The following LARGE1 variants were observed in gnomAD, a reference collection of about 807,000 sequenced individuals.
The protein encoded by LARGE1 is xylosyl- and glucuronyltransferase LARGE1.
LARGE1 carries 43 observed loss-of-function variants against 87.6 expected under a neutral mutation model. The observed-to-expected ratio is 0.49, with a 90% CI of 0.38 to 0.63. The LOEUF (loss-of-function observed/expected upper bound fraction) is 0.63, where lower values mean the gene tolerates loss of function less well. Ranked by LOEUF, LARGE1 falls within the 30% of genes least tolerant of loss-of-function variation. The probability of loss-of-function intolerance (pLI) is 0.00; values close to 1 mark genes in which losing one functional copy is unlikely to be tolerated. For synonymous variants in LARGE1, 434 were observed against 394.6 expected, an observed-to-expected ratio of 1.10 and a Z score of -1.18; for missense variants, 802 against 1,000.2, an observed-to-expected ratio of 0.80 and a Z score of 2.67.
At chr22:33,849,876 C>T (rs950744372) in intron 1 of LARGE1, among the ~76,000 whole-genome samples, 16 of 152,192 alleles carry the variant, frequency 1.1e-4, no homozygotes, top group African/African-American at 3.6e-4. Flanking sequence ...ACTGGGATTA[C>T]AGGCGTGAGC....
chr22:33,861,391 C>A (rs185393868), intron 1 of LARGE1, among the ~76,000 whole-genome samples: 5 of 152,008 alleles, frequency 3.3e-5, no homozygotes, highest in African/African-American at 9.7e-5. Context: ...CCCACCTACA[C>A]ACACACACAA....
intron 1 of LARGE1, among the ~76,000 whole-genome samples, chr22:33,872,358 TCTATTA>T (rs763464682): frequency 4.4e-5 from 5 of 113,234 alleles, no homozygotes; most frequent in Non-Finnish European, 8.3e-5. Context: ...GTAAATGCTA[TCTATTA>T]TTATTATTAT....
intron 10 of LARGE1, among the ~76,000 whole-genome samples, chr22:33,337,042 C>G (rs1423279750): frequency 7.1e-6 from 1 of 141,196 alleles, no homozygotes; most frequent in Non-Finnish European, 1.5e-5. Flanking sequence ...GCCTGGGTGA[C>G]AGAGTGAAAC....
intron 1 of LARGE1, among the ~76,000 whole-genome samples, chr22:33,856,172 T>C (rs566602739): frequency 6.6e-6 from 1 of 152,252 alleles, no homozygotes; most frequent in South Asian, 2.1e-4. Context: ...GATTTCAAAA[T>C]GTTTCATGTG....
chr22:33,764,821 CATAA>C (rs2084849169), intron 1 of LARGE1, among the ~76,000 whole-genome samples: 1 of 152,174 alleles, frequency 6.6e-6, no homozygotes, highest in Admixed American at 6.5e-5. Flanking sequence ...GTGAATGCTA[CATAA>C]ATAGTTATAC....
At chr22:33,471,197 C>G (rs926876773) in intron 6 of LARGE1, among the ~76,000 whole-genome samples, 1 of 151,788 alleles carries the variant, frequency 6.6e-6, no homozygotes, top group Non-Finnish European at 1.5e-5. Context: ...CCAGCTCATA[C>G]TTGTATTTTT....
rs570003988 is a variant in LARGE1 at position 33,814,841 on chromosome 22, T to C, written c.-82-53283A>G. 8.5e-5 allele frequency among the ~76,000 whole-genome samples: 13 copies of C among 152,328 alleles called. No individual in the cohort carries two copies. The East Asian group carries it at 1.9e-3, about 23-fold the overall frequency. ...CATAATGTAATTTCATACAGGCTAT[T>C]TGATACTCACAACAGGTCACCTATG... On this transcript the variant is annotated intron_variant, in intron 1 of 14. Coordinates refer to ENST00000397394, the MANE Select transcript of LARGE1 (RefSeq NM_133642.5).
At chr22:33,685,942 A>G (rs920752722) in intron 2 of LARGE1, among the ~76,000 whole-genome samples, 4 of 152,254 alleles carry the variant, frequency 2.6e-5, no homozygotes, top group African/African-American at 9.6e-5. Context: ...ACCAAGAGAC[A>G]AACATGCAGA....
At chr22:33,689,991 T>G (rs2082052330) in intron 2 of LARGE1, among the ~76,000 whole-genome samples, 1 of 152,134 alleles carries the variant, frequency 6.6e-6, no homozygotes, top group African/African-American at 2.4e-5. Flanking sequence ...AATGTACATC[T>G]TTCACATTAC....
intron 11 of LARGE1, among the ~76,000 whole-genome samples, chr22:33,244,797 T>C (rs1453773752): frequency 6.6e-6 from 1 of 152,032 alleles, no homozygotes; most frequent in Non-Finnish European, 1.5e-5. Flanking sequence ...CTCTTAGTGA[T>C]CACCAGGATG....
the LARGE1 span, among the ~76,000 whole-genome samples, chr22:33,152,538 G>T: frequency 6.6e-6 from 1 of 152,044 alleles, no homozygotes; most frequent in African/African-American, 2.4e-5. Context: ...TTTTTACTGA[G>T]TATAACATTT....
intron 11 of LARGE1, among the ~76,000 whole-genome samples, chr22:33,264,614 G>A (rs1175567213): frequency 2.6e-5 from 4 of 152,188 alleles, no homozygotes; most frequent in Non-Finnish European, 5.9e-5. Context: ...AGCCGAGATT[G>A]CACCACTACA....
chr22:33,739,910 C>A (rs574613466), intron 2 of LARGE1, among the ~76,000 whole-genome samples: 1 of 152,154 alleles, frequency 6.6e-6, no homozygotes, highest in Non-Finnish European at 1.5e-5. Flanking sequence ...CGGAGAAGGA[C>A]CCCCTGAATG....
the LARGE1 span, among the ~76,000 whole-genome samples, chr22:33,147,791 TC>T: frequency 6.6e-6 from 1 of 152,176 alleles, no homozygotes; most frequent in African/African-American, 2.4e-5. Flanking sequence ...TCATATAACT[TC>T]CACTACAATT....
intron 2 of LARGE1, among the ~76,000 whole-genome samples, chr22:33,679,468 G>GCACACA (rs113355241): frequency 7.2e-4 from 107 of 147,592 alleles, no homozygotes; most frequent in African/African-American, 2.5e-3. Context: ...ACACACACAC[G>GCACACA]CACACACACA....
intron 1 of LARGE1, among the ~76,000 whole-genome samples, chr22:33,853,142 G>A (rs1027438234): frequency 7.2e-5 from 11 of 152,192 alleles, no homozygotes; most frequent in South Asian, 4.2e-4. Flanking sequence ...TCAGATATGC[G>A]ACAACTGAGA....
chr22:33,498,004 TCCC>T, intron 6 of LARGE1, among the ~76,000 whole-genome samples: 1 of 152,320 alleles, frequency 6.6e-6, no homozygotes, highest in South Asian at 2.1e-4. Flanking sequence ...TGCCTCAGCC[TCCC>T]GAGTAGCTGT....
chr22:33,545,640 T>C (rs2283913), intron 6 of LARGE1, among the ~76,000 whole-genome samples: 73,234 of 152,098 alleles, frequency 0.48, 18,049 homozygotes, highest in Admixed American at 0.57. Context: ...GGTTTTGCCA[T>C]GTTGGCCAGG....
intron 5 of LARGE1, among the ~76,000 whole-genome samples, chr22:33,582,702 G>A (rs768683923): frequency 6.6e-6 from 1 of 152,118 alleles, no homozygotes; most frequent in Non-Finnish European, 1.5e-5. Flanking sequence ...CTGAACCAAG[G>A]GCTCCAAGCT....
Sources: allele counts gnomAD v4.1 joint callset (sites outside exome capture counted in the v4.1 genomes callset), GRCh38; gene constraint gnomAD v4.1.1; transcripts MANE v1.5; gene names NCBI Gene and HGNC (gene_info 2026-07-23, HGNC 2026-07-21).